The following YBX3 variants were observed in gnomAD, a reference collection of about 807,000 sequenced individuals.
YBX3 encodes Y-box binding protein 3.
Under a neutral mutation model 42.4 loss-of-function variants are expected in YBX3, and 29 were observed. The observed-to-expected ratio is 0.68, with a 90% confidence interval of 0.51 to 0.93. The LOEUF is 0.93. Ranked by LOEUF, YBX3 falls within the 40% of genes least tolerant of loss-of-function variation. The pLI is 0.00. For synonymous variants in YBX3, 195 were observed against 189.8 expected (o/e 1.03, Z -0.22); for missense variants, 517 against 527.5 (o/e 0.98, Z 0.19).
At chr12:10,702,745 A>G (rs1018828584) in intron 7 of YBX3, 1 of 152,190 alleles carries the variant, frequency 6.6e-6, no homozygotes, top group Non-Finnish European at 1.5e-5. Flanking sequence ...AAAAAAGAAA[A>G]GAAGAGTAGT....
intron 1 of YBX3, 145 bp from the exon 2 acceptor site, chr12:10,719,288 G>A: frequency 1.5e-6 from 1 of 655,052 alleles, no homozygotes; most frequent in Non-Finnish European, 2.5e-6. Context: ...TTTAGAAAAA[G>A]AAAATGGAGC....
intron 6 of YBX3, among the ~76,000 whole-genome samples, chr12:10,707,061 T>C (rs1038374301): frequency 1.4e-5 from 2 of 143,216 alleles, no homozygotes; most frequent in Non-Finnish European, 3.0e-5. Flanking sequence ...TCCAAATAAT[T>C]ATTTGCAGTT....
chr12:10,711,731 AGTTTTAACAATTTTGTTTCTTAAGC>A (rs1454148872), intron 5 of YBX3: 2 of 152,218 alleles, frequency 1.3e-5, no homozygotes, highest in East Asian at 1.9e-4. Context: ...ATACTTTAAG[AGTTTTAACAATTTTGTTTCTTAAGC>A]GTTTTAACAA....
intron 4 of YBX3, among the ~76,000 whole-genome samples, chr12:10,714,412 T>C (rs1313460142): frequency 6.6e-6 from 1 of 152,224 alleles, no homozygotes; most frequent in Non-Finnish European, 1.5e-5. Flanking sequence ...AATATTGTTT[T>C]ACTAGTATCT....
intron 5 of YBX3, chr12:10,711,327 T>C (rs145841219): frequency 6.6e-6 from 1 of 152,142 alleles, no homozygotes; most frequent in Non-Finnish European, 1.5e-5. Flanking sequence ...TAATGACCCA[T>C]TACTTTTTTT....
At chr12:10,711,855 TG>T (rs1286972617) in intron 5 of YBX3, 2 of 152,268 alleles carry the variant, frequency 1.3e-5, no homozygotes, top group Non-Finnish European at 2.9e-5. Context: ...TTTCACTGAA[TG>T]TTTTTCTACC....
intron 4 of YBX3, among the ~76,000 whole-genome samples, chr12:10,714,749 C>A: frequency 6.6e-6 from 1 of 151,668 alleles, no homozygotes; most frequent in African/African-American, 2.4e-5. Context: ...TGCCCCAAAG[C>A]AGTTTTTCTT....
At position 10,702,006 on chromosome 12, in the gene YBX3, C is replaced by T. The variant is rs767392442; in HGVS notation, c.1007G>A (p.Arg336Gln). The T allele has an allele frequency of 1.2e-5, 19 of 1,613,762 alleles. No homozygotes were observed. The highest frequency in any genetic ancestry group is 1.2e-4 in the Admixed American group (7 of 59,962). ...RRGYRRPYNY[R>Q]RRPRPPNAPS... is the part of the protein sequence containing the mutation. Reference sequence around the variant, plus strand: ...AGCGTTAGGAGGACGCGGGCGACGCCGGTAATTGTAGGGACGCCGGTATCC... The same window carrying T: ...AGCGTTAGGAGGACGCGGGCGACGCTGGTAATTGTAGGGACGCCGGTATCC... Residue 336 changes from arginine to glutamine, a missense_variant, in exon 8 of 10, where the codon CGG becomes CAG. Transcript: ENST00000228251.
chr12:10,710,259 C>T, intron 5 of YBX3, 145 bp from the exon 6 acceptor site: 7 of 1,518,746 alleles, frequency 4.6e-6, no homozygotes, highest in Non-Finnish European at 6.1e-6. Flanking sequence ...GCATTTAACC[C>T]AGATTATCAT....
intron 5 of YBX3, 158 bp from the exon 6 acceptor site, chr12:10,710,272 G>A: frequency 6.6e-7 from 1 of 1,504,904 alleles, no homozygotes; most frequent in Non-Finnish European, 8.8e-7. Context: ...ATTATCATGT[G>A]ATTGCCTGGG....
At position 10,710,078 on chromosome 12, in the gene YBX3, T is replaced by A; in HGVS notation, c.610A>T (p.Ser204Cys). The A allele has an allele frequency of 6.2e-7, 1 of 1,614,006 alleles. No homozygotes were observed. Among genetic ancestry groups the A allele is most frequent in the East Asian group, 2.2e-5 (1 of 44,882 alleles). The change falls in exon 6 of 10, where the codon AGT becomes TGT. Residue 204 changes from serine (S) to cysteine (C), a missense_variant. Around this residue, in one of 3 missense-constraint regions of YBX3, gnomAD observed 420 missense variants for 408.5 expected, o/e 1.03. Transcript: ENST00000228251. The part of the protein sequence containing the change: ...GEEEEEGSGS[S>C]EGFDPPATDR... ...GTGGCAGGGGGGTCAAATCCTTCAC[T>A]GCTGCCGCTCCCTTCCTCCTCCTCC...
intron 1 of YBX3, among the ~76,000 whole-genome samples, chr12:10,719,423 T>C (rs797186): frequency 0.97 from 148,347 of 152,278 alleles, 72,378 homozygotes; most frequent in East Asian, 1. Flanking sequence ...TCATTAAAAT[T>C]GAGAAACACT....
In YBX3 at chr12:10,699,343, T is replaced by C. The variant is rs972877242; in HGVS notation, c.*346A>G. ...TGGGGTTCTCCCCATGTGGTATTAA[T>C]ATTTCTTGTTTCAATATATATATTA... On this transcript the variant is annotated 3_prime_UTR_variant, in exon 10 of 10. Coordinates refer to ENST00000228251, the MANE Select transcript of YBX3 (RefSeq NM_003651.5). 1.3e-5 allele frequency: 2 copies of C among 152,538 alleles called. No homozygotes were observed. Among genetic ancestry groups the C allele is most frequent in the East Asian group, 3.8e-4 (2 of 5,202 alleles). 9.4% of individuals were successfully genotyped at this position (152,538 alleles called of 1,614,324 possible).
chr12:10,719,111 T>C lies in YBX3; in HGVS notation c.295A>G (p.Asn99Asp), dbSNP rs1948296089. The change falls in exon 2 of 10, where the codon AAC becomes GAC. Residue 99 changes from asparagine to aspartate, a missense_variant. Physicochemically the swap from Asn to Asp is conservative, Grantham distance 23. Transcript: ENST00000228251. Reference sequence around the variant, plus strand: ...ATAAATCCATATCCATTTCTGACGTTGAACCATTTGACAGTGCCAAGGACT... The same window carrying C: ...ATAAATCCATATCCATTTCTGACGTCGAACCATTTGACAGTGCCAAGGACT... Reference protein sequence around the residue: ...TKVLGTVKWFNVRNGYGFINR... With the variant: ...TKVLGTVKWFDVRNGYGFINR... 1 of 1,613,530 alleles carries C rather than the reference T, an allele frequency of 6.2e-7. No individual in the cohort carries two copies. The highest frequency in any genetic ancestry group is 8.5e-7 in the Non-Finnish European group (1 of 1,179,748).
chr12:10,715,912 C>A, intron 3 of YBX3, 129 bp from the exon 4 acceptor site: 1 of 732,102 alleles, frequency 1.4e-6, no homozygotes, highest in East Asian at 2.7e-5. Flanking sequence ...ACCATTCTCC[C>A]ACTAAGTTGG....
At chr12:10,722,277 T>G (rs1367818737) in intron 1 of YBX3, 3 of 152,376 alleles carry the variant, frequency 2.0e-5, no homozygotes, top group East Asian at 1.9e-4. Flanking sequence ...GAGCATGGCG[T>G]CTTTCCCATG....
chr12:10,707,239 C>T (rs977159250), intron 6 of YBX3, among the ~76,000 whole-genome samples: 1 of 152,072 alleles, frequency 6.6e-6, no homozygotes, highest in Non-Finnish European at 1.5e-5. Context: ...CTTTCTACCT[C>T]TTCCCTCTGC....
chr12:10,702,774 G>C (rs1031294260), intron 7 of YBX3: 3 of 152,108 alleles, frequency 2.0e-5, no homozygotes, highest in African/African-American at 7.2e-5. Context: ...TGCCTTCCAT[G>C]AACAGAATTT....
intron 7 of YBX3, 86 bp from the exon 8 acceptor site, chr12:10,702,220 T>A (rs1948089759): frequency 2.2e-6 from 3 of 1,391,008 alleles, no homozygotes; most frequent in African/African-American, 2.9e-5. Context: ...TTTTAAAAAT[T>A]AAAAAGTCAA....
Sources: allele counts gnomAD v4.1 joint callset (sites outside exome capture counted in the v4.1 genomes callset), GRCh38; gene constraint gnomAD v4.1.1; regional missense constraint gnomAD v4.1.1; transcripts MANE v1.5; gene names NCBI Gene and HGNC (gene_info 2026-07-23, HGNC 2026-07-21).